Variants in CSMD1 observed in about 807,000 individuals in gnomAD.
CSMD1 encodes the protein CUB and sushi domain-containing protein 1.
A neutral mutation model predicts 417.5 loss-of-function variants in CSMD1; 213 were observed. The ratio of observed to expected loss-of-function variants is 0.51; its 90% CI spans 0.46 to 0.57. The LOEUF (loss-of-function observed/expected upper bound fraction) is 0.57, where lower values mean the gene tolerates loss of function less well. CSMD1 is among the 20% of genes least tolerant of loss of function. The pLI is 0.00. For synonymous variants in CSMD1, 2,862 were observed against 1,736.8 expected (o/e 1.65, Z -16.11); for missense variants, 6,923 against 4,529.7 (o/e 1.53, Z -15.17).
At chr8:3,987,003 C>T (rs920481564) in intron 5 of CSMD1, among the ~76,000 whole-genome samples, 4 of 152,132 alleles carry the variant, frequency 2.6e-5, no homozygotes, top group South Asian at 2.1e-4. Context: ...AATCCACCTG[C>T]CTCAGCCTCC....
chr8:4,327,806 T>C (rs1201762690), intron 3 of CSMD1, among the ~76,000 whole-genome samples: 1 of 152,238 alleles, frequency 6.6e-6, no homozygotes, highest in African/African-American at 2.4e-5. Flanking sequence ...CTTGCTAAAA[T>C]GTCTCCTGTA....
At chr8:4,318,139 T>C (rs1048758185) in intron 3 of CSMD1, among the ~76,000 whole-genome samples, 1 of 152,146 alleles carries the variant, frequency 6.6e-6, no homozygotes, top group Non-Finnish European at 1.5e-5. Flanking sequence ...TACATTGTTA[T>C]TTATGAAATA....
At chr8:4,845,688 G>A (rs1256648244) in intron 1 of CSMD1, among the ~76,000 whole-genome samples, 3 of 152,208 alleles carry the variant, frequency 2.0e-5, no homozygotes, top group Admixed American at 6.5e-5. Context: ...TTTTGACAAG[G>A]TCTAGGAGAC....
intron 4 of CSMD1, among the ~76,000 whole-genome samples, chr8:4,006,025 G>A (rs1272439745): frequency 6.6e-6 from 1 of 152,076 alleles, no homozygotes; most frequent in Admixed American, 6.6e-5. Context: ...ACAATATTTA[G>A]GACAGATTTG....
intron 1 of CSMD1, among the ~76,000 whole-genome samples, chr8:4,903,845 T>A (rs1051830647): frequency 6.6e-6 from 1 of 152,146 alleles, no homozygotes; most frequent in Non-Finnish European, 1.5e-5. Context: ...GTACTTCCCA[T>A]CCCTTGATTT....
intron 10 of CSMD1, among the ~76,000 whole-genome samples, chr8:3,539,529 T>C (rs79734042): frequency 6.6e-6 from 1 of 152,174 alleles, no homozygotes; most frequent in Non-Finnish European, 1.5e-5. Context: ...CCACAAAGGT[T>C]CTCATTTTAA....
chr8:4,703,446 C>T (rs904549572), intron 1 of CSMD1, among the ~76,000 whole-genome samples: 3 of 152,136 alleles, frequency 2.0e-5, no homozygotes, highest in East Asian at 1.9e-4. Context: ...CATGAATAGC[C>T]TATCTTGCAA....
intron 8 of CSMD1, among the ~76,000 whole-genome samples, chr8:3,592,129 T>C (rs868772701): frequency 3.9e-5 from 6 of 152,210 alleles, no homozygotes; most frequent in Middle Eastern, 3.4e-3. Context: ...GATGGATAGA[T>C]AGATGAATGG....
chr8:4,040,156 A>T (rs10503226), intron 3 of CSMD1, among the ~76,000 whole-genome samples: 22,583 of 152,182 alleles, frequency 0.15, 2,392 homozygotes, highest in East Asian at 0.39. Flanking sequence ...AAGGCTATTA[A>T]TGAAATGCTA....
intron 10 of CSMD1, among the ~76,000 whole-genome samples, chr8:3,495,445 G>A (rs1257092057): frequency 6.6e-6 from 1 of 152,110 alleles, no homozygotes; most frequent in Non-Finnish European, 1.5e-5. Flanking sequence ...CTCTCATTAG[G>A]GGTGGAAAAA....
chr8:4,888,069 A>G (rs1803870377), intron 1 of CSMD1, among the ~76,000 whole-genome samples: 1 of 151,996 alleles, frequency 6.6e-6, no homozygotes, highest in Non-Finnish European at 1.5e-5. Context: ...CTGAAGATAA[A>G]CTTTCAACAA....
chr8:4,025,680 C>G (rs1049094079), intron 4 of CSMD1, among the ~76,000 whole-genome samples: 4 of 152,018 alleles, frequency 2.6e-5, no homozygotes, highest in Non-Finnish European at 5.9e-5. Flanking sequence ...TTGAAAGACT[C>G]AAGAATAACG....
At chr8:4,624,928 C>G (rs1802011015) in intron 2 of CSMD1, among the ~76,000 whole-genome samples, 1 of 152,094 alleles carries the variant, frequency 6.6e-6, no homozygotes, top group African/African-American at 2.4e-5. Flanking sequence ...AAGTGTGCTC[C>G]TGGTAGAGAA....
intron 3 of CSMD1, among the ~76,000 whole-genome samples, chr8:4,168,587 A>G (rs1797588536): frequency 6.6e-6 from 1 of 152,120 alleles, no homozygotes; most frequent in African/African-American, 2.4e-5. Flanking sequence ...CGGGCTTTGC[A>G]GGGACAAAAC....
At position 3,446,126 on chromosome 8, in the gene CSMD1, T is replaced by C. The variant is rs147437419; in HGVS notation, c.1561+22586A>G. Among the ~76,000 whole-genome samples the C allele has an allele frequency of 6.6e-5, 10 of 152,142 alleles. No homozygotes were observed. The East Asian group carries it at 1.6e-3, about 24-fold the overall frequency. On this transcript the variant is annotated intron_variant, in intron 12 of 69. Transcript: ENST00000635120. ...AACTAATTTGAGAAGTTTGTTGTAA[T>C]AGAATTGACTGCAAGAAAGGAAATT...
chr8:3,399,468 T>C lies in CSMD1; in HGVS notation c.2328A>G (p.Gly776=), dbSNP rs186913339. The C allele has an allele frequency of 4.3e-6, 7 of 1,610,350 alleles. No individual in the cohort carries two copies. In the Admixed American group the frequency reaches 1.0e-4, roughly 23 times the overall value. ...CACAATGTAAAGAATCCTTATAATA[T>C]CCTGGCCATCCAGGAGGCAAAATGA... ...SGVILPPGWP[G]YYKDSLHCEW... The change falls in exon 16 of 70, where the codon GGA becomes GGG. Residue 776 remains glycine (G), a synonymous_variant. Coordinates refer to ENST00000635120, the MANE Select transcript of CSMD1 (RefSeq NM_033225.6).
chr8:3,517,575 C>T (rs929332718), intron 10 of CSMD1, among the ~76,000 whole-genome samples: 2 of 152,166 alleles, frequency 1.3e-5, no homozygotes, highest in African/African-American at 2.4e-5. Context: ...ACACTGCTGT[C>T]CTCTGCAATA....
intron 52 of CSMD1, among the ~76,000 whole-genome samples, chr8:3,003,501 A>G (rs59947700): frequency 0.022 from 3,309 of 152,302 alleles, 108 homozygotes; most frequent in African/African-American, 0.074. Flanking sequence ...GAAACAGAAT[A>G]ACCTCACCAC....
chr8:3,845,558 G>A (rs1339653827), intron 5 of CSMD1, among the ~76,000 whole-genome samples: 7 of 152,142 alleles, frequency 4.6e-5, no homozygotes, highest in African/African-American at 1.4e-4. Context: ...GGGTGTCAGT[G>A]AACGAGTGAT....
Sources: allele counts gnomAD v4.1 joint callset (sites outside exome capture counted in the v4.1 genomes callset), GRCh38; gene constraint gnomAD v4.1.1; transcripts MANE v1.5; gene names NCBI Gene and HGNC (gene_info 2026-07-23, HGNC 2026-07-21).